GPATCH2: variants seen among roughly 807,000 people sequenced by gnomAD.
The protein encoded by GPATCH2 is G-patch domain containing 2.
In GPATCH2, 51 loss-of-function variants were observed where a neutral mutation model predicts 58.0. That is an observed-to-expected ratio of 0.88 (90% CI 0.70 to 1.11). The LOEUF (loss-of-function observed/expected upper bound fraction) is 1.11, where lower values mean the gene tolerates loss of function less well. GPATCH2 is among the 50% of genes most tolerant of loss of function. The pLI is 0.00. For synonymous variants in GPATCH2, 222 were observed against 218.5 expected (o/e 1.02, Z -0.14); for missense variants, 625 against 652.2 (o/e 0.96, Z 0.45).
At chr1:217,515,614 C>G (rs149747480) in intron 5 of GPATCH2, among the ~76,000 whole-genome samples, 7 of 151,648 alleles carry the variant, frequency 4.6e-5, no homozygotes, top group African/African-American at 1.7e-4. Context: ...AGGCTGAGGC[C>G]GCAGAATCGC....
At chr1:217,605,591 G>C (rs768906791) in intron 5 of GPATCH2, among the ~76,000 whole-genome samples, 2 of 152,146 alleles carry the variant, frequency 1.3e-5, no homozygotes, top group Non-Finnish European at 2.9e-5. Flanking sequence ...TTTAAGCTGA[G>C]TCATTTATTT....
intron 8 of GPATCH2, among the ~76,000 whole-genome samples, chr1:217,456,135 G>A (rs1659932639): frequency 6.6e-6 from 1 of 152,116 alleles, no homozygotes; most frequent in Admixed American, 6.5e-5. Flanking sequence ...TGCTGGACAA[G>A]GACCTGGGTA....
At chr1:217,484,075 T>C (rs1424388602) in intron 8 of GPATCH2, among the ~76,000 whole-genome samples, 1 of 152,196 alleles carries the variant, frequency 6.6e-6, no homozygotes, top group Non-Finnish European at 1.5e-5. Context: ...TTAACCAACA[T>C]ACCAAGTCAA....
At chr1:217,587,708 C>A (rs1317480705) in intron 5 of GPATCH2, among the ~76,000 whole-genome samples, 1 of 152,008 alleles carries the variant, frequency 6.6e-6, no homozygotes, top group Non-Finnish European at 1.5e-5. Context: ...AGGAGAGATG[C>A]AAATTTCACC....
chr1:217,511,490 A>G (rs962826835), intron 6 of GPATCH2, among the ~76,000 whole-genome samples: 1 of 152,174 alleles, frequency 6.6e-6, no homozygotes, highest in African/African-American at 2.4e-5. Flanking sequence ...TAGTTTTTCT[A>G]CTATGAGATG....
At chr1:217,454,577 A>G (rs1319561963) in intron 8 of GPATCH2, among the ~76,000 whole-genome samples, 1 of 117,714 alleles carries the variant, frequency 8.5e-6, no homozygotes, top group Non-Finnish European at 1.7e-5. Flanking sequence ...CGACAGAGCG[A>G]GACTCTGTCT....
chr1:217,625,986 A>T (rs1669436367), intron 1 of GPATCH2, among the ~76,000 whole-genome samples: 1 of 152,192 alleles, frequency 6.6e-6, no homozygotes, highest in African/African-American at 2.4e-5. Flanking sequence ...TGTCTCAAAA[A>T]AAAACCTTCC....
At position 217,595,389 on chromosome 1, in the gene GPATCH2, A is replaced by G. The variant is rs183111559; in HGVS notation, c.1098+14932T>C. On this transcript the variant is annotated intron_variant, in intron 5 of 9. Transcript: ENST00000366935. Reference sequence around the variant, plus strand: ...CTCAGTGTTTTCAAAAGTAACATTCAAAAAAGCAACATCACTATAGCTCTA... The same window carrying G: ...CTCAGTGTTTTCAAAAGTAACATTCGAAAAAGCAACATCACTATAGCTCTA... Among the ~76,000 whole-genome samples, 263 of 152,336 alleles carry G rather than the reference A, an allele frequency of 1.7e-3. 1 individual carries two copies. The highest frequency in any genetic ancestry group is 5.6e-3 in the African/African-American group (234 of 41,582).
chr1:217,501,343 C>G (rs1286409201), intron 6 of GPATCH2, among the ~76,000 whole-genome samples: 1 of 152,076 alleles, frequency 6.6e-6, no homozygotes. Context: ...AACCATTCAC[C>G]TATCGGAAGA....
At chr1:217,460,486 G>T (rs1334377410) in intron 8 of GPATCH2, among the ~76,000 whole-genome samples, 3 of 152,298 alleles carry the variant, frequency 2.0e-5, no homozygotes, top group South Asian at 2.1e-4. Context: ...TTTTCAAAGA[G>T]AATCCTCAAC....
At chr1:217,505,702 A>G (rs933558933) in intron 6 of GPATCH2, among the ~76,000 whole-genome samples, 3 of 152,234 alleles carry the variant, frequency 2.0e-5, no homozygotes, top group Non-Finnish European at 2.9e-5. Context: ...AGTCAGAGGC[A>G]TAATTTCATT....
intron 3 of GPATCH2, among the ~76,000 whole-genome samples, chr1:217,611,350 T>C (rs987149603): frequency 1.3e-5 from 2 of 151,536 alleles, no homozygotes; most frequent in Non-Finnish European, 2.9e-5. Context: ...CAACTGCATA[T>C]ACAATCTATA....
chr1:217,519,560 C>T (rs1041136117), intron 5 of GPATCH2, among the ~76,000 whole-genome samples: 1 of 152,132 alleles, frequency 6.6e-6, no homozygotes, highest in Non-Finnish European at 1.5e-5. Context: ...ATTATCTCCC[C>T]CCTGCTCCAA....
intron 2 of GPATCH2, among the ~76,000 whole-genome samples, chr1:217,616,068 CA>C (rs1284707904): frequency 3.3e-5 from 5 of 152,074 alleles, no homozygotes; most frequent in African/African-American, 1.2e-4. Flanking sequence ...ACAAATATAT[CA>C]ATTTTGTTTC....
intron 5 of GPATCH2, among the ~76,000 whole-genome samples, chr1:217,594,707 G>A (rs1667742579): frequency 6.6e-6 from 1 of 152,050 alleles, no homozygotes; most frequent in African/African-American, 2.4e-5. Context: ...GATTATAATT[G>A]TTATAAAAAT....
chr1:217,517,261 TTC>T (rs776094403), intron 5 of GPATCH2, among the ~76,000 whole-genome samples: 1 of 152,126 alleles, frequency 6.6e-6, no homozygotes, highest in Admixed American at 6.6e-5. Context: ...TTAGTTCAAT[TTC>T]TGTTTTACTT....
chr1:217,441,795 C>T (rs1359606353), intron 9 of GPATCH2, among the ~76,000 whole-genome samples: 2 of 152,140 alleles, frequency 1.3e-5, no homozygotes, highest in Non-Finnish European at 2.9e-5. Flanking sequence ...CAATGAGACA[C>T]CATCCCATGC....
chr1:217,431,071 A>G lies in GPATCH2; in HGVS notation c.*74T>C, dbSNP rs1658510136. 1.2e-6 allele frequency: 1 copy of G among 824,562 alleles called. No individual in the cohort carries two copies. Among genetic ancestry groups the G allele is most frequent in the South Asian group, 1.4e-5 (1 of 71,948 alleles). 51.1% of individuals were successfully genotyped at this position (824,562 alleles called of 1,614,324 possible). On this transcript the variant is annotated 3_prime_UTR_variant, in exon 10 of 10. Transcript: ENST00000366935. ...CAATGTAGATTTTTGCTTCAAAAAC[A>G]GAAGTCATGTTATCATTTTAGAACA...
At chr1:217,454,478 A>G (rs1659833134) in intron 8 of GPATCH2, among the ~76,000 whole-genome samples, 1 of 147,472 alleles carries the variant, frequency 6.8e-6, no homozygotes, top group Non-Finnish European at 1.5e-5. Context: ...AGTCCCAGCT[A>G]CTCGGGAGGC....
Sources: gnomAD v4.1 joint callset for allele counts (sites outside exome capture counted in the v4.1 genomes callset) on GRCh38, gnomAD v4.1.1 for gene constraint, MANE v1.5 for transcripts, NCBI Gene and HGNC (gene_info 2026-07-23, HGNC 2026-07-21) for gene names.